SULF1: variants seen among roughly 807,000 people sequenced by gnomAD.
SULF1 encodes the protein sulfatase 1.
Under a neutral mutation model 110.5 loss-of-function variants are expected in SULF1, and 46 were observed. That is an observed-to-expected ratio of 0.42 (90% CI 0.33 to 0.53). The LOEUF (loss-of-function observed/expected upper bound fraction) is 0.53. SULF1 is among the 20% of genes least tolerant of loss of function. SULF1 has a pLI of 0.12. For missense variants in SULF1, 941 were observed against 1,094.2 expected, an observed-to-expected ratio of 0.86 and a Z score of 1.98; for synonymous variants, 371 against 387.1, an observed-to-expected ratio of 0.96 and a Z score of 0.49.
chr8:69,501,554 T>C (rs1047126410), intron 2 of SULF1, among the ~76,000 whole-genome samples: 2 of 152,206 alleles, frequency 1.3e-5, no homozygotes, highest in Admixed American at 6.5e-5. Context: ...CTTGGAACAC[T>C]TTGTAAACTT....
intron 3 of SULF1, among the ~76,000 whole-genome samples, chr8:69,504,772 G>C (rs1472370064): frequency 6.6e-6 from 1 of 152,078 alleles, no homozygotes; most frequent in African/African-American, 2.4e-5. Context: ...GATTTGAGCT[G>C]AATTAGATAA....
rs954137972 is a variant in SULF1 at position 69,658,795 on chromosome 8, G to A, written c.*260G>A. 3.2e-6 allele frequency: 2 copies of A among 631,934 alleles called. No homozygotes were observed. Among genetic ancestry groups the A allele is most frequent in the Non-Finnish European group, 5.9e-6 (2 of 339,860 alleles). 39.1% of individuals were successfully genotyped at this position (631,934 alleles called of 1,614,324 possible). A position where few individuals can be genotyped will look rare whatever the true frequency, so the allele number is the denominator to read the frequency against. ...CGCTGTGTCAATGGAGATGGCCTCTGCTGACTCAGATGAAGACCCAAGGCA... is the reference window on the plus strand; with the variant it reads ...CGCTGTGTCAATGGAGATGGCCTCTACTGACTCAGATGAAGACCCAAGGCA... On this transcript the variant is annotated 3_prime_UTR_variant, in exon 23 of 23. Transcript: ENST00000402687.
At chr8:69,577,995 A>G (rs770400213) in intron 6 of SULF1, among the ~76,000 whole-genome samples, 5 of 152,234 alleles carry the variant, frequency 3.3e-5, no homozygotes, top group Non-Finnish European at 7.3e-5. Context: ...GAGTAGGACT[A>G]GCTAAAGTCA....
intron 3 of SULF1, among the ~76,000 whole-genome samples, chr8:69,532,822 T>C (rs1037396601): frequency 6.6e-6 from 1 of 152,196 alleles, no homozygotes; most frequent in Non-Finnish European, 1.5e-5. Flanking sequence ...GCCCTTTCCC[T>C]CCCATCCTTC....
Position 69,628,220 on chromosome 8 carries a change from C to T in SULF1, c.2092C>T (p.His698Tyr). The T allele has an allele frequency of 6.2e-7, 1 of 1,613,792 alleles. No individual in the cohort carries two copies. The highest frequency in any genetic ancestry group is 8.5e-7 in the Non-Finnish European group (1 of 1,179,670). Residue 698 changes from histidine (H) to tyrosine (Y), a missense_variant, in exon 18 of 23, where the codon CAT becomes TAT. His to Tyr is a moderately conservative substitution (Grantham distance 83). Coordinates refer to ENST00000402687, the MANE Select transcript of SULF1 (RefSeq NM_001128205.2). The part of the protein sequence containing the change: ...GVKKQEKLKS[H>Y]LHPFKEAAQE... The stretch of plus-strand genomic sequence containing the variant: ...AAAAAAGCAAGAGAAATTAAAGAGC[C>T]ATCTTCACCCATTCAAGTAAGTAAC...
chr8:69,489,541 G>A (rs1344153150), upstream of SULF1, among the ~76,000 whole-genome samples: 1 of 138,976 alleles, frequency 7.2e-6, no homozygotes, highest in Non-Finnish European at 1.6e-5. Flanking sequence ...CACTGTGGCT[G>A]TTTTCTGCCC....
At chr8:69,474,676 T>A (rs1184046397) in intron 1 of SULF1, among the ~76,000 whole-genome samples, 2 of 152,216 alleles carry the variant, frequency 1.3e-5, no homozygotes, top group Non-Finnish European at 2.9e-5. Context: ...AGGCTTTACA[T>A]GTGTTATCAC....
chr8:69,603,162 T>A (rs745646918), intron 10 of SULF1, 30 bp from the exon 11 acceptor site: 1 of 1,612,596 alleles, frequency 6.2e-7, no homozygotes, highest in Admixed American at 1.7e-5. Context: ...TGGCATTGGA[T>A]CTCAGCCATC....
At chr8:69,605,530 C>A (rs1238863686) in intron 13 of SULF1, among the ~76,000 whole-genome samples, 1 of 152,118 alleles carries the variant, frequency 6.6e-6, no homozygotes, top group Non-Finnish European at 1.5e-5. Context: ...CCAGAGCTAC[C>A]CAGAATACCA....
At chr8:69,529,188 T>C (rs775813735) in intron 3 of SULF1, among the ~76,000 whole-genome samples, 4 of 152,168 alleles carry the variant, frequency 2.6e-5, no homozygotes, top group Non-Finnish European at 5.9e-5. Flanking sequence ...CCAAAGCCTG[T>C]GTTTATTGTA....
At chr8:69,564,832 G>A (rs910041919) in intron 5 of SULF1, among the ~76,000 whole-genome samples, 2 of 152,148 alleles carry the variant, frequency 1.3e-5, no homozygotes, top group African/African-American at 4.8e-5. Flanking sequence ...TAAGCCAAGG[G>A]CCAATTCTTC....
At chr8:69,593,563 G>A (rs1027706147) in intron 8 of SULF1, among the ~76,000 whole-genome samples, 24 of 152,130 alleles carry the variant, frequency 1.6e-4, no homozygotes, top group South Asian at 1.0e-3. Flanking sequence ...GGTGTTTGCC[G>A]TTCCCAACAA....
intron 3 of SULF1, among the ~76,000 whole-genome samples, chr8:69,538,773 A>G (rs940599755): frequency 3.3e-5 from 5 of 151,510 alleles, no homozygotes; most frequent in African/African-American, 1.2e-4. Flanking sequence ...GCTCACTACA[A>G]CCTCCTCCTC....
intron 5 of SULF1, among the ~76,000 whole-genome samples, chr8:69,569,712 C>G (rs1281994087): frequency 6.6e-6 from 1 of 152,208 alleles, no homozygotes; most frequent in African/African-American, 2.4e-5. Context: ...ATGTTAACTT[C>G]CATTCCTGTA....
At chr8:69,480,345 T>C (rs541380746) in intron 1 of SULF1, among the ~76,000 whole-genome samples, 2 of 152,264 alleles carry the variant, frequency 1.3e-5, no homozygotes, top group African/African-American at 4.8e-5. Flanking sequence ...AGTGAGGTAA[T>C]TAGTGTTAGA....
At chr8:69,590,771 A>G (rs1344921398) in intron 8 of SULF1, among the ~76,000 whole-genome samples, 3 of 152,234 alleles carry the variant, frequency 2.0e-5, no homozygotes, top group African/African-American at 7.2e-5. Context: ...ATGGGTGGAT[A>G]TTTAAGCTTC....
intron 6 of SULF1, among the ~76,000 whole-genome samples, chr8:69,580,499 G>C (rs1346366011): frequency 6.6e-6 from 1 of 152,084 alleles, no homozygotes; most frequent in East Asian, 1.9e-4. Context: ...TTGAGGACTT[G>C]GACTGGCCAG....
chr8:69,538,290 A>C (rs1260809380), intron 3 of SULF1, among the ~76,000 whole-genome samples: 1 of 21,548 alleles, frequency 4.6e-5, no homozygotes. Context: ...TTTTTTTTTG[A>C]GCCATTAAGC....
chr8:69,580,057 G>T (rs754688089), intron 6 of SULF1, among the ~76,000 whole-genome samples: 5 of 152,124 alleles, frequency 3.3e-5, no homozygotes, highest in Non-Finnish European at 7.4e-5. Flanking sequence ...TAAATGAGTT[G>T]AATTAATCCA....
Sources: allele counts gnomAD v4.1 joint callset (sites outside exome capture counted in the v4.1 genomes callset), GRCh38; gene constraint gnomAD v4.1.1; transcripts MANE v1.5; gene names NCBI Gene and HGNC (gene_info 2026-07-23, HGNC 2026-07-21).